Variants in RBM20 observed in about 807,000 individuals in gnomAD.
RBM20 encodes the protein RNA binding motif protein 20, also known as RNA-binding protein 20.
Under a neutral mutation model 110.1 loss-of-function variants are expected in RBM20, and 51 were observed. The observed-to-expected ratio is 0.46, with a 90% CI of 0.37 to 0.59. The LOEUF (loss-of-function observed/expected upper bound fraction) is 0.59. Among genes scored for constraint, RBM20 ranks in the 20% least tolerant of loss-of-function variants. The probability of loss-of-function intolerance (pLI) is 0.00; values close to 1 mark genes in which losing one functional copy is unlikely to be tolerated. For synonymous variants in RBM20, 589 were observed against 618.2 expected (o/e 0.95, Z 0.70); for missense variants, 1,512 against 1,574.9 (o/e 0.96, Z 0.68).
At chr10:110,670,005 T>A (rs1590606800) in intron 1 of RBM20, among the ~76,000 whole-genome samples, 1 of 152,364 alleles carries the variant, frequency 6.6e-6, no homozygotes, top group East Asian at 1.9e-4. Flanking sequence ...TTTGCTTTGG[T>A]TTTAACCATG....
At chr10:110,795,678 T>G (rs1844541132) in intron 5 of RBM20, among the ~76,000 whole-genome samples, 1 of 152,222 alleles carries the variant, frequency 6.6e-6, no homozygotes, top group Admixed American at 6.5e-5. Context: ...AAATTGTGAT[T>G]ATGCAAATGG....
chr10:110,713,188 A>G (rs1271371375), intron 1 of RBM20, among the ~76,000 whole-genome samples: 1 of 152,200 alleles, frequency 6.6e-6, no homozygotes, highest in African/African-American at 2.4e-5. Flanking sequence ...GTGGATTTTT[A>G]TGGAAAATAT....
intron 1 of RBM20, among the ~76,000 whole-genome samples, chr10:110,698,682 A>G (rs1309133652): frequency 2.6e-5 from 4 of 152,204 alleles, no homozygotes; most frequent in South Asian, 4.1e-4. Context: ...GCTTTATGCC[A>G]TGCTCCATAG....
chr10:110,755,709 G>A lies in RBM20; in HGVS notation c.192-25092G>A, dbSNP rs145120728. ...CCTGGTGTCCCATCTTGGGGGAAAA[G>A]GTGAGAGACTTTTACTGGTTGCACA... On this transcript the variant is annotated intron_variant, in intron 1 of 13. Coordinates refer to ENST00000369519, the MANE Select transcript of RBM20 (RefSeq NM_001134363.3). Among the ~76,000 whole-genome samples the A allele has an allele frequency of 5.4e-4, 82 of 152,312 alleles. 2 individuals are homozygous for A. In the East Asian group the frequency reaches 0.015, roughly 28 times the overall value.
chr10:110,804,224 G>T lies in RBM20; in HGVS notation c.1800+4306G>T, dbSNP rs144922511. On this transcript the variant is annotated intron_variant, in intron 7 of 13. Coordinates refer to ENST00000369519, the MANE Select transcript of RBM20 (RefSeq NM_001134363.3). ...CCAGGGCTAGGCCATGCTGTGATTG[G>T]CTGGACCTGTGTCATCTGCTACATC... 4.9e-3 allele frequency among the ~76,000 whole-genome samples: 752 copies of T among 152,322 alleles called. 5 individuals carry two copies. The highest frequency in any genetic ancestry group is 0.01 in the Middle Eastern group (3 of 294).
At chr10:110,771,424 C>T (rs549562073) in intron 1 of RBM20, among the ~76,000 whole-genome samples, 1 of 152,312 alleles carries the variant, frequency 6.6e-6, no homozygotes, top group East Asian at 1.9e-4. Flanking sequence ...GCCACCATGC[C>T]TAGCCCATTG....
chr10:110,781,636 C>A lies in RBM20; in HGVS notation c.1027C>A (p.His343Asn). 2 of 1,549,528 alleles carry A rather than the reference C, an allele frequency of 1.3e-6. No individual in the cohort carries two copies. The highest frequency in any genetic ancestry group is 1.7e-6 in the Non-Finnish European group (2 of 1,145,412). Reference protein sequence around the residue: ...LTAGPMWPPPHNQPYELYDPE... With the variant: ...LTAGPMWPPPNNQPYELYDPE... The stretch of plus-strand genomic sequence containing the variant: ...AGCAGGTCCCATGTGGCCTCCACCC[C>A]ACAACCAGCCCTATGAGCTGTACGA... Residue 343 changes from histidine to asparagine, a missense_variant, in exon 2 of 14, where the codon CAC becomes AAC. Around this residue, in one of 3 missense-constraint regions of RBM20, gnomAD observed 1,149 missense variants for 1,169.4 expected, o/e 0.98. Coordinates refer to ENST00000369519, the MANE Select transcript of RBM20 (RefSeq NM_001134363.3).
chr10:110,767,110 CGGCTG>C (rs1844102860), intron 1 of RBM20, among the ~76,000 whole-genome samples: 3 of 112,864 alleles, frequency 2.7e-5, no homozygotes, highest in South Asian at 2.9e-4. Context: ...CCGGACGGGG[CGGCTG>C]ACCCCCCCCA....
At chr10:110,671,055 G>C (rs10787263) in intron 1 of RBM20, among the ~76,000 whole-genome samples, 45,134 of 152,174 alleles carry the variant, frequency 0.3, 8,281 homozygotes, top group East Asian at 0.64. Flanking sequence ...CAGGAGAAAA[G>C]ACCATCTCTC....
At chr10:110,661,398 T>C (rs1862099807) in intron 1 of RBM20, among the ~76,000 whole-genome samples, 1 of 152,184 alleles carries the variant, frequency 6.6e-6, no homozygotes, top group African/African-American at 2.4e-5. Flanking sequence ...CTTGTGTATT[T>C]GGTGGGATCT....
chr10:110,826,525 A>C (rs774259155), intron 12 of RBM20, among the ~76,000 whole-genome samples: 2 of 151,508 alleles, frequency 1.3e-5, no homozygotes, highest in Non-Finnish European at 2.9e-5. Context: ...CTTTTGCTCA[A>C]CATCATTGAG....
chr10:110,776,263 C>T (rs1192371535), intron 1 of RBM20, among the ~76,000 whole-genome samples: 2 of 152,208 alleles, frequency 1.3e-5, no homozygotes, highest in African/African-American at 2.4e-5. Context: ...CACCTACCAC[C>T]GCCTCTCTAG....
chr10:110,831,452 G>A (rs918586675), intron 13 of RBM20: 2 of 361,268 alleles, frequency 5.5e-6, no homozygotes, highest in African/African-American at 2.0e-5. Context: ...TACCTCCTGT[G>A]TTGCTCCTAG....
intron 1 of RBM20, among the ~76,000 whole-genome samples, chr10:110,687,831 A>G (rs781200742): frequency 3.3e-5 from 5 of 152,240 alleles, no homozygotes; most frequent in Non-Finnish European, 7.3e-5. Context: ...AAAATGTTGC[A>G]TCAACATTTA....
intron 1 of RBM20, among the ~76,000 whole-genome samples, chr10:110,651,588 A>G (rs1861950135): frequency 6.6e-6 from 1 of 152,146 alleles, no homozygotes; most frequent in South Asian, 2.1e-4. Context: ...GGCCAACAGG[A>G]GTGTGTTTGG....
chr10:110,761,384 T>G (rs1166251786), intron 1 of RBM20: 2 of 148,862 alleles, frequency 1.3e-5, no homozygotes, highest in Non-Finnish European at 3.0e-5. Flanking sequence ...GTAACTGTAA[T>G]GTATATACAA....
In RBM20 at chr10:110,711,270, C is replaced by T. The variant is rs1862922591; in HGVS notation, c.191+66625C>T. 3.8e-5 allele frequency among the ~76,000 whole-genome samples: 5 copies of T among 131,096 alleles called. No individual in the cohort carries two copies. The South Asian group carries it at 1.2e-3, about 33-fold the overall frequency. 86.0% of individuals were successfully genotyped at this position (131,096 alleles called of 152,430 possible). A position where few individuals can be genotyped will look rare whatever the true frequency, so the allele number is the denominator to read the frequency against. ...GCTTGAACCTGGGAGGCGGAGGCTG[C>T]AGTGAGCTGAGACTGTGCCACTTCA... On this transcript the variant is annotated intron_variant, in intron 1 of 13. Transcript: ENST00000369519.
intron 1 of RBM20, among the ~76,000 whole-genome samples, chr10:110,745,614 G>A (rs561664428): frequency 1.3e-5 from 2 of 151,784 alleles, no homozygotes; most frequent in South Asian, 4.3e-4. Flanking sequence ...TGGTCACTCA[G>A]CATTTGCATA....
chr10:110,650,951 G>A (rs1861937256), intron 1 of RBM20, among the ~76,000 whole-genome samples: 1 of 152,324 alleles, frequency 6.6e-6, no homozygotes, highest in African/African-American at 2.4e-5. Flanking sequence ...ATTTTCAGGT[G>A]TAAAATGAGC....
Sources: allele counts gnomAD v4.1 joint callset (sites outside exome capture counted in the v4.1 genomes callset), GRCh38; gene constraint gnomAD v4.1.1; regional missense constraint gnomAD v4.1.1; transcripts MANE v1.5; gene names NCBI Gene and HGNC (gene_info 2026-07-23, HGNC 2026-07-21).